WDR59: variants seen among roughly 807,000 people sequenced by gnomAD.
The protein encoded by WDR59 is GATOR2 complex protein WDR59.
A neutral mutation model predicts 131.2 loss-of-function variants in WDR59; 100 were observed. That is an observed-to-expected ratio of 0.76 (90% CI 0.65 to 0.90). The LOEUF (loss-of-function observed/expected upper bound fraction) is 0.90, where lower values mean the gene tolerates loss of function less well. Among genes scored for constraint, WDR59 ranks in the 40% least tolerant of loss-of-function variants. The pLI is 0.00. For synonymous variants in WDR59, 601 were observed against 466.2 expected (o/e 1.29, Z -3.72); for missense variants, 1,203 against 1,262.2 (o/e 0.95, Z 0.71).
rs917031366 is a variant in WDR59 at position 74,985,071 on chromosome 16, C to T, written c.-54G>A. The T allele has an allele frequency of 2.0e-6, 3 of 1,514,770 alleles. No homozygotes were observed. The highest frequency in any genetic ancestry group is 1.8e-6 in the Non-Finnish European group (2 of 1,114,656). 93.8% of individuals were successfully genotyped at this position (1,514,770 alleles called of 1,614,324 possible). A position where few individuals can be genotyped will look rare whatever the true frequency, so the allele number is the denominator to read the frequency against. ...GACGGCGCCCTCCCACCCCGCCGTC[C>T]CCAGTATCCCGGGACCGTGCGCCCC... On this transcript the variant is annotated 5_prime_UTR_variant, in exon 1 of 26. Transcript: ENST00000262144.
chr16:74,917,870 A>C, intron 11 of WDR59, 59 bp downstream of exon 11: 1 of 1,500,400 alleles, frequency 6.7e-7, no homozygotes, highest in East Asian at 2.3e-5. Flanking sequence ...GCAAATCCTG[A>C]ATCTTACACT....
At chr16:74,970,295 C>T (rs2033928106) in intron 1 of WDR59, among the ~76,000 whole-genome samples, 1 of 151,832 alleles carries the variant, frequency 6.6e-6, no homozygotes, top group Admixed American at 6.6e-5. Flanking sequence ...TTACCACAGC[C>T]TTGTAGTATA....
chr16:74,892,690 G>A (rs1490993679), intron 19 of WDR59, 125 bp from the exon 20 acceptor site: 10 of 796,384 alleles, frequency 1.3e-5, no homozygotes, highest in South Asian at 5.6e-5. Flanking sequence ...TTTATTCCGC[G>A]TTGGCCTTGG....
At chr16:74,933,283 C>T in intron 8 of WDR59, among the ~76,000 whole-genome samples, 1 of 152,156 alleles carries the variant, frequency 6.6e-6, no homozygotes, top group East Asian at 1.9e-4. Flanking sequence ...GCCTGGGTGA[C>T]ACAGTGAGAT....
chr16:74,959,687 T>A (rs2033470021), intron 2 of WDR59: 1 of 315,162 alleles, frequency 3.2e-6, no homozygotes, highest in Non-Finnish European at 6.0e-6. Flanking sequence ...AAGGCTGAGA[T>A]GGGAGGATTG....
intron 18 of WDR59, among the ~76,000 whole-genome samples, chr16:74,900,330 G>A (rs887920068): frequency 4.6e-5 from 7 of 152,034 alleles, no homozygotes; most frequent in South Asian, 2.1e-4. Context: ...CTGGAGAAAC[G>A]GGGGGAAGGA....
At chr16:74,915,339 C>G (rs997677702) in intron 13 of WDR59, 4 of 153,056 alleles carry the variant, frequency 2.6e-5, no homozygotes, top group African/African-American at 9.6e-5. Context: ...GCATCAGGTT[C>G]TCCTTTGGCT....
At chr16:74,882,520 G>A (rs962966995) in intron 25 of WDR59, among the ~76,000 whole-genome samples, 1 of 152,120 alleles carries the variant, frequency 6.6e-6, no homozygotes, top group African/African-American at 2.4e-5. Context: ...ATCGCTTGAG[G>A]CCAGTAGTTC....
At position 74,946,661 on chromosome 16, in the gene WDR59, T is replaced by A. The variant is rs1322868891; in HGVS notation, c.445+1858A>T. Among the ~76,000 whole-genome samples the A allele has an allele frequency of 3.9e-5, 6 of 152,038 alleles. No homozygotes were observed. The South Asian group carries it at 6.2e-4, about 16-fold the overall frequency. The stretch of plus-strand genomic sequence containing the variant: ...CGCTTGAACAACAGGAGGTGGAGGT[T>A]GCAGTGAGCTGAGATTCCACCACTG... On this transcript the variant is annotated intron_variant, in intron 6 of 25. Coordinates refer to ENST00000262144, the MANE Select transcript of WDR59 (RefSeq NM_030581.4).
In WDR59 at chr16:74,907,080, G is replaced by A. The variant is rs17673141; in HGVS notation, c.1712+1828C>T. On this transcript the variant is annotated intron_variant, in intron 17 of 25. Transcript: ENST00000262144. Reference sequence around the variant, plus strand: ...CTGTTTTCTACTCCAATAAGGAATCGGGTGTAATGTAGGTGTTCCCTAGTA... The same window carrying A: ...CTGTTTTCTACTCCAATAAGGAATCAGGTGTAATGTAGGTGTTCCCTAGTA... Among the ~76,000 whole-genome samples the A allele has an allele frequency of 2.1e-3, 315 of 152,236 alleles. 7 individuals carry two copies. The South Asian group carries it at 0.05, about 24-fold the overall frequency.
Position 74,887,705 on chromosome 16 carries a change from G to A in WDR59, c.2397C>T (p.Leu799=), listed in dbSNP as rs752793279. Residue 799 remains leucine (L), a synonymous_variant, in exon 23 of 26, where the codon CTC becomes CTT. Coordinates refer to ENST00000262144, the MANE Select transcript of WDR59 (RefSeq NM_030581.4). The part of the protein sequence containing the change: ...GSCSSMSDPG[L]NTGGWNIAGR... ...AACCTATGTTCCAGCCGCCAGTGTT[G>A]AGCCCTGGGTCTGACATACTGGAGC... is the stretch of plus-strand genomic sequence containing the variant. 24 of 1,614,040 alleles carry A rather than the reference G, an allele frequency of 1.5e-5. No individual in the cohort carries two copies. In the South Asian group the frequency reaches 1.8e-4, roughly 12 times the overall value.
chr16:74,964,371 C>A (rs4888323), intron 2 of WDR59, among the ~76,000 whole-genome samples: 7 of 146,698 alleles, frequency 4.8e-5, no homozygotes, highest in Non-Finnish European at 7.5e-5. Context: ...AAGAGCGAAA[C>A]ATCATCTCAA....
intron 1 of WDR59, among the ~76,000 whole-genome samples, chr16:74,967,214 G>A (rs1386039750): frequency 2.6e-5 from 4 of 152,130 alleles, no homozygotes; most frequent in Non-Finnish European, 5.9e-5. Flanking sequence ...TACTCTCACC[G>A]GAGGCTGCAA....
Position 74,980,893 on chromosome 16 carries a change from A to C in WDR59, c.54+4071T>G, listed in dbSNP as rs527421239. The stretch of plus-strand genomic sequence containing the variant: ...GGCAGGAGAAGCACTTGAACCCAGG[A>C]GGTGGAGGTGACAGCGAGCTGAGAT... On this transcript the variant is annotated intron_variant, in intron 1 of 25. Transcript: ENST00000262144. 4.6e-5 allele frequency among the ~76,000 whole-genome samples: 7 copies of C among 151,602 alleles called. No homozygotes were observed. In the South Asian group the frequency reaches 1.5e-3, roughly 32 times the overall value.
chr16:74,969,261 T>C (rs539754613), intron 1 of WDR59, among the ~76,000 whole-genome samples: 4 of 152,228 alleles, frequency 2.6e-5, no homozygotes, highest in Admixed American at 2.0e-4. Context: ...TATAAATATA[T>C]ATATATTATA....
intron 17 of WDR59, among the ~76,000 whole-genome samples, chr16:74,907,084 G>A (rs1279936531): frequency 1.3e-5 from 2 of 152,176 alleles, no homozygotes; most frequent in African/African-American, 4.8e-5. Flanking sequence ...GGAATCGGGT[G>A]TAATGTAGGT....
chr16:74,935,745 T>G (rs1449753873), intron 8 of WDR59, among the ~76,000 whole-genome samples: 3 of 152,144 alleles, frequency 2.0e-5, no homozygotes, highest in Non-Finnish European at 4.4e-5. Flanking sequence ...AAAATTGTCT[T>G]GCTAGCACTG....
chr16:74,950,612 T>C (rs78929207), intron 4 of WDR59, among the ~76,000 whole-genome samples: 7,208 of 152,178 alleles, frequency 0.047, 231 homozygotes, highest in Middle Eastern at 0.14. Flanking sequence ...TTCCCAGCAC[T>C]TCCAGGTCAG....
intron 7 of WDR59, 105 bp from the exon 8 acceptor site, chr16:74,938,371 A>G (rs560053650): frequency 1.2e-4 from 82 of 708,678 alleles, no homozygotes; most frequent in Non-Finnish European, 1.6e-4. Flanking sequence ...AAATACTACC[A>G]GATACTGTCT....
Sources: allele counts gnomAD v4.1 joint callset (sites outside exome capture counted in the v4.1 genomes callset), GRCh38; gene constraint gnomAD v4.1.1; transcripts MANE v1.5; gene names NCBI Gene and HGNC (gene_info 2026-07-23, HGNC 2026-07-21).